ASIC2: variants seen among roughly 807,000 people sequenced by gnomAD.
ASIC2 encodes acid sensing ion channel subunit 2, also known as acid-sensing ion channel 2.
Under a neutral mutation model 57.3 loss-of-function variants are expected in ASIC2, and 25 were observed. The observed-to-expected ratio is 0.44, with a 90% CI of 0.32 to 0.61. ASIC2 has a LOEUF of 0.61. Ranked by LOEUF, ASIC2 falls within the 20% of genes least tolerant of loss-of-function variation. ASIC2 has a pLI of 0.06. For synonymous variants in ASIC2, 319 were observed against 307.5 expected, an observed-to-expected ratio of 1.04 and a Z score of -0.39; for missense variants, 641 against 738.1, an observed-to-expected ratio of 0.87 and a Z score of 1.52.
At chr17:33,820,180 T>A (rs2141892447) in intron 1 of ASIC2, among the ~76,000 whole-genome samples, 1 of 152,350 alleles carries the variant, frequency 6.6e-6, no homozygotes, top group South Asian at 2.1e-4. Flanking sequence ...TTAAAAAGTC[T>A]TACTAGGTTC....
intron 1 of ASIC2, among the ~76,000 whole-genome samples, chr17:33,149,235 C>T (rs1366550039): frequency 1.3e-5 from 2 of 152,106 alleles, no homozygotes; most frequent in Non-Finnish European, 2.9e-5. Context: ...TTATTGTAAT[C>T]CCAACACATA....
At chr17:33,651,284 G>A (rs1906911359) in intron 1 of ASIC2, among the ~76,000 whole-genome samples, 1 of 152,190 alleles carries the variant, frequency 6.6e-6, no homozygotes, top group Non-Finnish European at 1.5e-5. Flanking sequence ...GTTGAGAGAA[G>A]CTGGGTGAGT....
chr17:33,175,561 G>A (rs945307420), intron 1 of ASIC2, among the ~76,000 whole-genome samples: 2 of 151,826 alleles, frequency 1.3e-5, no homozygotes, highest in African/African-American at 2.4e-5. Context: ...GTAGTATTGC[G>A]GCGCTTGTGG....
intron 1 of ASIC2, among the ~76,000 whole-genome samples, chr17:33,940,603 G>A (rs1916167656): frequency 6.6e-6 from 1 of 151,964 alleles, no homozygotes; most frequent in African/African-American, 2.4e-5. Context: ...ATGCACTGTA[G>A]TAGGTACAGT....
chr17:33,320,043 T>C (rs1057302076), intron 1 of ASIC2, among the ~76,000 whole-genome samples: 9 of 152,060 alleles, frequency 5.9e-5, no homozygotes, highest in African/African-American at 1.9e-4. Context: ...GATGAATCCC[T>C]GGGATGAGTC....
intron 1 of ASIC2, among the ~76,000 whole-genome samples, chr17:33,735,482 A>T (rs1316820262): frequency 6.6e-6 from 1 of 152,206 alleles, no homozygotes; most frequent in Non-Finnish European, 1.5e-5. Flanking sequence ...TTTAGAATGG[A>T]ATCAAGGAAA....
At chr17:33,323,092 C>A (rs1906932497) in intron 1 of ASIC2, among the ~76,000 whole-genome samples, 1 of 152,098 alleles carries the variant, frequency 6.6e-6, no homozygotes, top group South Asian at 2.1e-4. Flanking sequence ...GGTAGGAGTG[C>A]AAATTAGTAC....
intron 1 of ASIC2, among the ~76,000 whole-genome samples, chr17:34,149,660 T>C (rs1421216699): frequency 3.3e-5 from 5 of 152,162 alleles, no homozygotes; most frequent in Non-Finnish European, 7.4e-5. Flanking sequence ...AAAAGAAATA[T>C]GCGATTTGTA....
rs1913821028 is a variant in ASIC2, at chr17:33,853,145, T to A, written c.555+302833A>T. ...CAAAGTTAACACTTCAGTTACCAGG[T>A]GATGATTGAGCAGAGATTCTTTTAC... On this transcript the variant is annotated intron_variant, in intron 1 of 9. Coordinates refer to the ASIC2 transcript ENST00000359872. Among the ~76,000 whole-genome samples, 3 of 152,154 alleles carry A rather than the reference T, an allele frequency of 2.0e-5. No homozygotes were observed. The East Asian group carries it at 5.8e-4, about 29-fold the overall frequency.
At chr17:33,807,768 T>A (rs1291069163) in intron 1 of ASIC2, among the ~76,000 whole-genome samples, 1 of 152,264 alleles carries the variant, frequency 6.6e-6, no homozygotes, top group African/African-American at 2.4e-5. Flanking sequence ...ATGGGTGGAA[T>A]TAATTTGCAT....
intron 1 of ASIC2, among the ~76,000 whole-genome samples, chr17:33,385,942 A>T (rs777386411): frequency 2.0e-5 from 3 of 152,186 alleles, no homozygotes. Flanking sequence ...GCCAAGGTTT[A>T]CAGGACCCAC....
intron 3 of ASIC2, among the ~76,000 whole-genome samples, chr17:33,074,422 C>T (rs1161911672): frequency 6.6e-6 from 1 of 152,002 alleles, no homozygotes; most frequent in Admixed American, 6.6e-5. Flanking sequence ...TCTGAGTGGT[C>T]CTCCTCCCCT....
At chr17:33,529,084 C>T (rs1914972480) in intron 1 of ASIC2, among the ~76,000 whole-genome samples, 2 of 152,212 alleles carry the variant, frequency 1.3e-5, no homozygotes. Context: ...GAGTCAGCTT[C>T]CAAGGCTGAA....
intron 3 of ASIC2, among the ~76,000 whole-genome samples, chr17:33,041,317 T>A (rs2091929057): frequency 6.6e-6 from 1 of 152,154 alleles, no homozygotes; most frequent in Non-Finnish European, 1.5e-5. Flanking sequence ...GTTTGTTGAG[T>A]CTGAGTCTTT....
intron 1 of ASIC2, among the ~76,000 whole-genome samples, chr17:33,302,419 T>G (rs1489790099): frequency 6.6e-6 from 1 of 152,192 alleles, no homozygotes; most frequent in Non-Finnish European, 1.5e-5. Context: ...CATGACTTAA[T>G]CATGGCTCTC....
intron 1 of ASIC2, among the ~76,000 whole-genome samples, chr17:33,666,306 C>T (rs550248530): frequency 2.0e-5 from 3 of 152,228 alleles, no homozygotes; most frequent in East Asian, 3.9e-4. Flanking sequence ...GAAAAGGAAA[C>T]GTTAAAACAA....
intron 1 of ASIC2, among the ~76,000 whole-genome samples, chr17:33,300,942 A>G (rs1322119095): frequency 1.3e-5 from 2 of 152,166 alleles, no homozygotes; most frequent in African/African-American, 4.8e-5. Context: ...TTGATAGTTG[A>G]CATTGATTGA....
chr17:33,770,178 G>A (rs1021794981), intron 1 of ASIC2, among the ~76,000 whole-genome samples: 1 of 152,192 alleles, frequency 6.6e-6, no homozygotes, highest in African/African-American at 2.4e-5. Context: ...TGGAAGCAAA[G>A]AGAAGTTGCC....
chr17:33,664,674 G>C (rs1300038985), intron 1 of ASIC2, among the ~76,000 whole-genome samples: 1 of 152,208 alleles, frequency 6.6e-6, no homozygotes, highest in East Asian at 1.9e-4. Context: ...ATGGACAGTT[G>C]ATAGAGCAGA....
Sources: gnomAD v4.1 joint callset for allele counts (sites outside exome capture counted in the v4.1 genomes callset) on GRCh38, gnomAD v4.1.1 for gene constraint, MANE v1.5 for transcripts, NCBI Gene and HGNC (gene_info 2026-07-23, HGNC 2026-07-21) for gene names.